GPHN: variants seen among roughly 807,000 people sequenced by gnomAD.
The protein encoded by GPHN is gephyrin.
A neutral mutation model predicts 95.5 loss-of-function variants in GPHN; 17 were observed. The ratio of observed to expected loss-of-function variants is 0.18; its 90% CI spans 0.12 to 0.27. The LOEUF (loss-of-function observed/expected upper bound fraction) is 0.27. GPHN is among the 10% of genes least tolerant of loss of function. The pLI is 1.00. For missense variants in GPHN, 660 were observed against 978.1 expected, an observed-to-expected ratio of 0.67 and a Z score of 4.34; for synonymous variants, 320 against 322.5, an observed-to-expected ratio of 0.99 and a Z score of 0.08.
the GPHN span, among the ~76,000 whole-genome samples, chr14:67,639,209 A>G: frequency 6.6e-6 from 1 of 152,112 alleles, no homozygotes; most frequent in Non-Finnish European, 1.5e-5. Flanking sequence ...AATACAAGTG[A>G]GTACTGTTTT....
intron 11 of GPHN, among the ~76,000 whole-genome samples, chr14:67,060,998 T>C (rs1838298343): frequency 6.6e-6 from 1 of 152,226 alleles, no homozygotes; most frequent in Admixed American, 6.5e-5. Context: ...CTGTCCCTTG[T>C]TCTACATTCC....
At chr14:67,439,836 TTTTTC>T in the GPHN span, among the ~76,000 whole-genome samples, 1 of 152,128 alleles carries the variant, frequency 6.6e-6, no homozygotes, top group Admixed American at 6.6e-5. Flanking sequence ...TCTCTTTTCT[TTTTTC>T]TTTTCTTTTG....
chr14:67,397,591 T>C, the GPHN span: 3 of 1,352,750 alleles, frequency 2.2e-6, no homozygotes, highest in African/African-American at 4.4e-5. Flanking sequence ...CCCACACCAC[T>C]TTCCCAAAGA....
chr14:66,682,088 G>T (rs764849392), intron 2 of GPHN, among the ~76,000 whole-genome samples: 7 of 152,164 alleles, frequency 4.6e-5, no homozygotes, highest in Non-Finnish European at 7.4e-5. Context: ...ATTCTTTAAT[G>T]ATTGACTAGT....
At chr14:67,666,665 T>C in the GPHN span, among the ~76,000 whole-genome samples, 1 of 152,294 alleles carries the variant, frequency 6.6e-6, no homozygotes, top group East Asian at 1.9e-4. Context: ...AGAGCTAGGA[T>C]GTACCTCAGC....
the GPHN span, among the ~76,000 whole-genome samples, chr14:67,268,549 G>A: frequency 1.2e-3 from 180 of 152,302 alleles, 1 homozygote; most frequent in Non-Finnish European, 2.2e-3. Flanking sequence ...GAAAGGGATG[G>A]GCAATTCGCA....
At chr14:67,568,056 G>T in the GPHN span, among the ~76,000 whole-genome samples, 1 of 152,150 alleles carries the variant, frequency 6.6e-6, no homozygotes, top group Non-Finnish European at 1.5e-5. Context: ...GAGTCCTGTT[G>T]GGCTAAATAG....
At chr14:67,587,746 C>G in the GPHN span, 2 of 163,186 alleles carry the variant, frequency 1.2e-5, no homozygotes, top group African/African-American at 2.4e-5. Flanking sequence ...CGGGGTTTCA[C>G]CATGTTGGCC....
chr14:67,374,709 G>T, the GPHN span: 1 of 445,024 alleles, frequency 2.2e-6, no homozygotes, highest in East Asian at 3.4e-5. Flanking sequence ...TAAATTAACT[G>T]TGGGTGACTT....
In GPHN at chr14:66,700,751, C is replaced by T. The variant is rs909037040; in HGVS notation, c.143+19566C>T. Among the ~76,000 whole-genome samples, 7 of 151,902 alleles carry T rather than the reference C, an allele frequency of 4.6e-5. No homozygotes were observed. In the East Asian group the frequency reaches 7.7e-4, roughly 17 times the overall value. ...CATCCTGGCCAACATGGTGAAACCC[C>T]GTCTCTACTAAAAATACAAAAATTA... On this transcript the variant is annotated intron_variant, in intron 2 of 22. Coordinates refer to ENST00000478722, the MANE Select transcript of GPHN (RefSeq NM_020806.5).
chr14:66,513,637 G>C (rs551364889), intron 1 of GPHN, among the ~76,000 whole-genome samples: 1 of 151,936 alleles, frequency 6.6e-6, no homozygotes, highest in South Asian at 2.1e-4. Context: ...GGGCAGAGAA[G>C]ATAAATACCA....
At chr14:66,861,578 G>T (rs1283591116) in intron 4 of GPHN, among the ~76,000 whole-genome samples, 1 of 151,944 alleles carries the variant, frequency 6.6e-6, no homozygotes, top group Admixed American at 6.6e-5. Flanking sequence ...AATTCTAAAG[G>T]ATAGACCATA....
chr14:66,842,765 T>C lies in GPHN; in HGVS notation c.294+18199T>C, dbSNP rs768892691. The C allele has an allele frequency of 1.8e-5, 25 of 1,363,400 alleles. 1 individual carries two copies. In the South Asian group the frequency reaches 3.0e-4, roughly 16 times the overall value. 84.5% of individuals were successfully genotyped at this position (1,363,400 alleles called of 1,614,324 possible). ...CCAATCATTTTCAGATTAATAATTT[T>C]TAGTGTTTTGGTTTCTTTTATCATC... is the stretch of plus-strand genomic sequence containing the variant. On this transcript the variant is annotated intron_variant, in intron 4 of 22. Coordinates refer to ENST00000478722, the MANE Select transcript of GPHN (RefSeq NM_020806.5).
intron 6 of GPHN, among the ~76,000 whole-genome samples, chr14:66,916,828 C>G (rs1045379501): frequency 2.0e-5 from 3 of 152,132 alleles, no homozygotes; most frequent in Non-Finnish European, 2.9e-5. Flanking sequence ...TACAAGCTAC[C>G]CCCTGGCCTT....
chr14:67,699,711 G>A, the GPHN span, among the ~76,000 whole-genome samples: 1 of 151,008 alleles, frequency 6.6e-6, no homozygotes, highest in African/African-American at 2.4e-5. Context: ...GTAAGTCACA[G>A]GAATTACCTT....
the GPHN span, among the ~76,000 whole-genome samples, chr14:67,708,006 A>T: frequency 6.6e-6 from 1 of 152,226 alleles, no homozygotes; most frequent in Non-Finnish European, 1.5e-5. Flanking sequence ...CAGTTTCTCC[A>T]ATTGTGTCCT....
chr14:67,248,739 G>GCA, the GPHN span, among the ~76,000 whole-genome samples: 1 of 152,154 alleles, frequency 6.6e-6, no homozygotes, highest in Non-Finnish European at 1.5e-5. Flanking sequence ...AAACAAATGA[G>GCA]CATGACTTTT....
chr14:67,713,394 C>A, the GPHN span, among the ~76,000 whole-genome samples: 1 of 9,264 alleles, frequency 1.1e-4, no homozygotes, highest in African/African-American at 3.4e-4. Flanking sequence ...GCAAGTAAAA[C>A]TCCAAAAAAA....
the GPHN span, among the ~76,000 whole-genome samples, chr14:67,442,541 G>T: frequency 6.6e-6 from 1 of 152,172 alleles, no homozygotes; most frequent in African/African-American, 2.4e-5. Flanking sequence ...AGGAGCACTC[G>T]TCCCTGCCTC....
Sources: allele counts gnomAD v4.1 joint callset (sites outside exome capture counted in the v4.1 genomes callset), GRCh38; gene constraint gnomAD v4.1.1; transcripts MANE v1.5; gene names NCBI Gene and HGNC (gene_info 2026-07-23, HGNC 2026-07-21).